Variants in ARHGAP40 observed in about 807,000 individuals in gnomAD.
The protein encoded by ARHGAP40 is rho GTPase-activating protein 40.
Under a neutral mutation model 73.5 loss-of-function variants are expected in ARHGAP40, and 43 were observed. The observed-to-expected ratio is 0.58, with a 90% confidence interval of 0.46 to 0.75. The LOEUF (loss-of-function observed/expected upper bound fraction) is 0.75. Among genes scored for constraint, ARHGAP40 ranks in the 30% least tolerant of loss-of-function variants. The pLI, the probability that ARHGAP40 is intolerant of heterozygous loss-of-function variation, is 0.00. For missense variants in ARHGAP40, 734 were observed against 861.8 expected (o/e 0.85, Z 1.86); for synonymous variants, 300 against 352.8 (o/e 0.85, Z 1.68).
intron 1 of ARHGAP40, among the ~76,000 whole-genome samples, chr20:38,619,381 T>C (rs1460889019): frequency 1.3e-5 from 2 of 151,940 alleles, no homozygotes; most frequent in Non-Finnish European, 1.5e-5. Context: ...CGAGAAGTGA[T>C]GGTGGCTTGG....
At chr20:38,612,962 G>C (rs2088812471) in intron 1 of ARHGAP40, among the ~76,000 whole-genome samples, 1 of 152,208 alleles carries the variant, frequency 6.6e-6, no homozygotes, top group South Asian at 2.1e-4. Flanking sequence ...AAGCACCACA[G>C]GGCTGCGCTG....
intron 9 of ARHGAP40, among the ~76,000 whole-genome samples, chr20:38,641,254 A>G (rs560023861): frequency 1.3e-5 from 2 of 152,222 alleles, no homozygotes; most frequent in South Asian, 2.1e-4. Flanking sequence ...CTTTGAATCT[A>G]TAACTACTAC....
In ARHGAP40 at chr20:38,646,270, G is replaced by T. The variant is rs1354306145; in HGVS notation, c.1710+83G>T. 1.1e-5 allele frequency: 13 copies of T among 1,197,268 alleles called. No individual in the cohort carries two copies. The African/African-American group carries it at 1.1e-4, about 10-fold the overall frequency. The allele number at this position is 1,197,268 out of a possible 1,614,324, so 74.2% of individuals were successfully genotyped here. ...GGGGCGCGGTGCTTCCCTTCCTCCA[G>T]GTCCCCGCTACCGGGCTGCCAGCAA... On this transcript the variant is annotated intron_variant, in intron 12 of 14. Coordinates refer to ENST00000373345, the Ensembl canonical transcript of ARHGAP40. The surrounding 1 kb of genome is among the most constrained non-coding windows in gnomAD (Gnocchi z 4.5).
intron 1 of ARHGAP40, among the ~76,000 whole-genome samples, chr20:38,618,733 C>A (rs2088857602): frequency 6.6e-6 from 1 of 152,134 alleles, no homozygotes; most frequent in Non-Finnish European, 1.5e-5. Context: ...TTGGCCTGAG[C>A]TTCTCAACAT....
Position 38,629,451 on chromosome 20 carries a change from T to C in ARHGAP40, c.635-51T>C. On this transcript the variant is annotated intron_variant, in intron 4 of 14. Coordinates refer to ENST00000373345, the Ensembl canonical transcript of ARHGAP40. ...GTCCCGAACCCAAGCACTTGCTTCCTGGCAGCCAGTTCTCACTGCCTTTCT... is the reference window on the plus strand; with the variant it reads ...GTCCCGAACCCAAGCACTTGCTTCCCGGCAGCCAGTTCTCACTGCCTTTCT... 3 of 1,302,046 alleles carry C rather than the reference T, an allele frequency of 2.3e-6. No individual in the cohort carries two copies. The South Asian group carries it at 3.7e-5, about 16-fold the overall frequency. 80.7% of individuals were successfully genotyped at this position (1,302,046 alleles called of 1,614,324 possible).
At chr20:38,639,912 G>C (rs182529271) in intron 9 of ARHGAP40, among the ~76,000 whole-genome samples, 3 of 152,184 alleles carry the variant, frequency 2.0e-5, no homozygotes, top group Admixed American at 2.0e-4. Flanking sequence ...AAAAAATACA[G>C]CAGCTCTCCT....
chr20:38,633,358 A>G (rs1056271228), intron 5 of ARHGAP40, among the ~76,000 whole-genome samples: 6 of 152,212 alleles, frequency 3.9e-5, no homozygotes, highest in African/African-American at 1.4e-4. Context: ...AGTACTTCAC[A>G]TATTTGATTT....
At chr20:38,626,951 T>C in intron 2 of ARHGAP40, 44 bp from the exon 3 acceptor site, 2 of 1,291,028 alleles carry the variant, frequency 1.5e-6, no homozygotes, top group Non-Finnish European at 1.0e-6. Context: ...AGTGGCTGAG[T>C]GCAGAGCTGT....
At chr20:38,605,192 G>T (rs2088763998) in intron 1 of ARHGAP40, among the ~76,000 whole-genome samples, 1 of 152,196 alleles carries the variant, frequency 6.6e-6, no homozygotes, top group African/African-American at 2.4e-5. Flanking sequence ...CACAGGGCTG[G>T]CTTGTTGTAG....
intron 1 of ARHGAP40, among the ~76,000 whole-genome samples, chr20:38,617,762 T>G (rs1484784460): frequency 6.6e-6 from 1 of 152,182 alleles, no homozygotes; most frequent in Non-Finnish European, 1.5e-5. Flanking sequence ...TGGGCAGTCT[T>G]GGGTGAGCCA....
At chr20:38,642,584 C>T (rs1405389917) in intron 10 of ARHGAP40, among the ~76,000 whole-genome samples, 1 of 151,614 alleles carries the variant, frequency 6.6e-6, no homozygotes, top group Admixed American at 6.6e-5. Flanking sequence ...TATCCTCTCT[C>T]CCTCCCTCTC....
At chr20:38,629,413 A>G in intron 4 of ARHGAP40, 89 bp from the exon 5 acceptor site, 1 of 1,244,492 alleles carries the variant, frequency 8.0e-7, no homozygotes, top group Non-Finnish European at 1.1e-6. Flanking sequence ...ACTTCTTAGG[A>G]CTAAGGGCCT....
intron 6 of ARHGAP40, among the ~76,000 whole-genome samples, chr20:38,635,791 G>T (rs746387326): frequency 3.4e-4 from 51 of 152,084 alleles, no homozygotes; most frequent in Non-Finnish European, 6.8e-4. Context: ...TCCAGTTATT[G>T]TATCATTTAG....
chr20:38,640,219 T>TC (rs1234856009), intron 9 of ARHGAP40, among the ~76,000 whole-genome samples: 2 of 129,076 alleles, frequency 1.5e-5, no homozygotes, highest in East Asian at 4.1e-4. Flanking sequence ...TCTTTCTTTC[T>TC]TTTTTTTTTT....
At chr20:38,618,781 G>A (rs746446133) in intron 1 of ARHGAP40, among the ~76,000 whole-genome samples, 2 of 152,174 alleles carry the variant, frequency 1.3e-5, no homozygotes, top group Non-Finnish European at 2.9e-5. Flanking sequence ...GAGTGAGAGA[G>A]CCAGGTGGGA....
At chr20:38,615,553 T>A (rs1291108677) in intron 1 of ARHGAP40, 5 of 562,916 alleles carry the variant, frequency 8.9e-6, no homozygotes, top group Non-Finnish European at 1.6e-5. Flanking sequence ...CCGCAGCCAC[T>A]GTTTTCCCCG....
intron 1 of ARHGAP40, among the ~76,000 whole-genome samples, chr20:38,604,308 A>C (rs1569005598): frequency 6.6e-6 from 1 of 152,226 alleles, no homozygotes. Context: ...CAGATGAAAA[A>C]TACTTAAGAG....
At chr20:38,605,281 G>C (rs2088764851) in intron 1 of ARHGAP40, among the ~76,000 whole-genome samples, 1 of 152,110 alleles carries the variant, frequency 6.6e-6, no homozygotes, top group African/African-American at 2.4e-5. Flanking sequence ...TGAGGGTGTG[G>C]GCATGAATAA....
intron 1 of ARHGAP40, among the ~76,000 whole-genome samples, chr20:38,607,649 G>A (rs544129167): frequency 6.6e-6 from 1 of 152,276 alleles, no homozygotes; most frequent in Non-Finnish European, 1.5e-5. Flanking sequence ...GCAATGTGGA[G>A]GCCGCTTCTC....
Sources: allele counts gnomAD v4.1 joint callset (sites outside exome capture counted in the v4.1 genomes callset), GRCh38; gene constraint gnomAD v4.1.1; non-coding constraint Gnocchi (gnomAD v3.1); transcripts MANE v1.5; gene names NCBI Gene and HGNC (gene_info 2026-07-23, HGNC 2026-07-21).